CREBBP: variants seen among roughly 807,000 people sequenced by gnomAD.
The protein encoded by CREBBP is CREB binding lysine acetyltransferase.
A neutral mutation model predicts 265.0 loss-of-function variants in CREBBP; 19 were observed. The ratio of observed to expected loss-of-function variants is 0.07; its 90% CI spans 0.05 to 0.11. The LOEUF is 0.11. Ranked by LOEUF, CREBBP falls within the 10% of genes least tolerant of loss-of-function variation. The pLI, the probability that CREBBP is intolerant of heterozygous loss-of-function variation, is 1.00. For missense variants in CREBBP, 2,525 were observed against 3,219.0 expected (o/e 0.78, Z 5.22); for synonymous variants, 1,457 against 1,223.7 (o/e 1.19, Z -3.98).
chr16:3,787,652 G>T lies in CREBBP; in HGVS notation c.1330+4329C>A, dbSNP rs28535366. ...AGGTTTTTTTTTTTGTTTTGTTTTG[G>T]TTTTTTGTTTTGTTTTGTTTTGTTT... is the stretch of plus-strand genomic sequence containing the variant. On this transcript the variant is annotated intron_variant, in intron 5 of 30. Transcript: ENST00000262367. Among the ~76,000 whole-genome samples the T allele has an allele frequency of 1.3e-4, 20 of 149,390 alleles. No individual in the cohort carries two copies. In the East Asian group the frequency reaches 2.5e-3, roughly 19 times the overall value.
intron 1 of CREBBP, among the ~76,000 whole-genome samples, chr16:3,875,745 C>T (rs2055387259): frequency 2.0e-5 from 3 of 152,208 alleles, no homozygotes; most frequent in African/African-American, 4.8e-5. Context: ...TATCACCTCT[C>T]AAGTCCAGTT....
chr16:3,781,114 T>C, intron 7 of CREBBP, 90 bp downstream of exon 7: 1 of 1,292,778 alleles, frequency 7.7e-7, no homozygotes, highest in Non-Finnish European at 1.1e-6. Context: ...AACTATTTTC[T>C]CTGCCACACA....
intron 28 of CREBBP, among the ~76,000 whole-genome samples, chr16:3,734,896 C>T (rs2052012288): frequency 6.6e-6 from 1 of 152,192 alleles, no homozygotes; most frequent in South Asian, 2.1e-4. Context: ...ATGTCCCCAG[C>T]CGGCTCCCGG....
chr16:3,728,605 C>T lies in CREBBP; in HGVS notation c.6442G>A (p.Gly2148Ser), dbSNP rs764832613. 6.2e-7 allele frequency: 1 copy of T among 1,613,764 alleles called. No homozygotes were observed. Among genetic ancestry groups the T allele is most frequent in the Non-Finnish European group, 8.5e-7 (1 of 1,179,958 alleles). Residue 2148 changes from glycine to serine, a missense_variant, in exon 31 of 31, where the codon GGC becomes AGC. Transcript: ENST00000262367. The surrounding 1 kb of genome is among the most constrained non-coding windows in gnomAD (Gnocchi z 8.7). Reference protein sequence around the residue: ...SLQNLNAMQAGVPRPGVPPQQ... With the variant: ...SLQNLNAMQASVPRPGVPPQQ... ...GGAGGCACACCGGGCCGCGGCACGCCAGCCTGCATGGCATTCAGGTTCTGC... is the reference window on the plus strand; with the variant it reads ...GGAGGCACACCGGGCCGCGGCACGCTAGCCTGCATGGCATTCAGGTTCTGC...
chr16:3,774,553 GA>G lies in CREBBP; in HGVS notation c.2283+15del, dbSNP rs1459713022. On this transcript the variant is annotated intron_variant, in intron 12 of 30. Transcript: ENST00000262367. ...GAGGGAGGGCTATCTGCAGCACAGC[GA>G]AAGAGAACACTTACCCCTGGCACTG... The G allele has an allele frequency of 6.2e-7, 1 of 1,613,984 alleles. No homozygotes were observed. The highest frequency in any genetic ancestry group is 8.5e-7 in the Non-Finnish European group (1 of 1,180,016).
chr16:3,798,943 G>C (rs2053659366), intron 3 of CREBBP, among the ~76,000 whole-genome samples: 1 of 152,178 alleles, frequency 6.6e-6, no homozygotes, highest in Non-Finnish European at 1.5e-5. Context: ...TGCCCATCAA[G>C]TGATGAAGGG....
intron 2 of CREBBP, among the ~76,000 whole-genome samples, chr16:3,844,955 T>C (rs183393178): frequency 2.8e-4 from 43 of 152,216 alleles, no homozygotes; most frequent in African/African-American, 9.6e-4. Flanking sequence ...GAAAAGATAA[T>C]TTATATGTAT....
chr16:3,729,607 C>A lies in CREBBP; in HGVS notation c.5440G>T (p.Gly1814Trp), dbSNP rs747252584. ...HTKGCKRKTN[G>W]GCPVCKQLIA... ...AGCTGCTTGCACACCGGGCAGCCCC[C>A]GTTGGTCTTGCGTTTGCAGCCCTTG... Residue 1814 changes from glycine (G) to tryptophan (W), a missense_variant, in exon 31 of 31, where the codon GGG becomes TGG. Coordinates refer to ENST00000262367, the MANE Select transcript of CREBBP (RefSeq NM_004380.3). 6.2e-7 allele frequency: 1 copy of A among 1,614,168 alleles called. No homozygotes were observed. The highest frequency in any genetic ancestry group is 1.3e-5 in the African/African-American group (1 of 75,058).
In CREBBP at chr16:3,769,208, T is replaced by A. The variant is rs2141190537; in HGVS notation, c.3026A>T (p.Asp1009Val). The change falls in exon 15 of 31, where the codon GAT becomes GTT. Residue 1009 changes from aspartate (D) to valine (V), a missense_variant. Asp to Val is a radical substitution (Grantham distance 152). Around this residue, in one of 19 missense-constraint regions of CREBBP, gnomAD observed 548 missense variants for 533.0 expected, o/e 1.03. Coordinates refer to ENST00000262367, the MANE Select transcript of CREBBP (RefSeq NM_004380.3). ...GGGCTCCCCTTTGGATTCACCAGGA[T>A]CGGGCTCAGTGTCCTCTGCTTGGGT... ...TETQAEDTEP[D>V]PGESKGEPRS... The A allele has an allele frequency of 6.2e-7, 1 of 1,614,094 alleles. No individual in the cohort carries two copies. Among genetic ancestry groups the A allele is most frequent in the South Asian group, 1.1e-5 (1 of 91,062 alleles).
At chr16:3,855,312 A>G (rs1248693890) in intron 1 of CREBBP, among the ~76,000 whole-genome samples, 1 of 152,192 alleles carries the variant, frequency 6.6e-6, no homozygotes, top group Non-Finnish European at 1.5e-5. Context: ...TGCCCACGCT[A>G]GATGGAGTGC....
chr16:3,748,853 G>C (rs1285333392), intron 21 of CREBBP, among the ~76,000 whole-genome samples: 1 of 152,122 alleles, frequency 6.6e-6, no homozygotes, highest in Non-Finnish European at 1.5e-5. Context: ...CTGTAGAAAA[G>C]TGCTTAACAG....
At chr16:3,802,619 A>G (rs141247350) in intron 3 of CREBBP, among the ~76,000 whole-genome samples, 256 of 152,322 alleles carry the variant, frequency 1.7e-3, no homozygotes, top group Non-Finnish European at 2.7e-3. Flanking sequence ...TCACAAAAAA[A>G]TAAGTCATTT....
intron 3 of CREBBP, among the ~76,000 whole-genome samples, chr16:3,810,234 A>G (rs958422117): frequency 1.8e-4 from 28 of 152,210 alleles, no homozygotes; most frequent in African/African-American, 6.3e-4. Flanking sequence ...TCTGACGGTA[A>G]TACAAATCAA....
At chr16:3,749,543 T>A in intron 21 of CREBBP, 84 bp downstream of exon 21, 4 of 884,924 alleles carry the variant, frequency 4.5e-6, no homozygotes, top group Non-Finnish European at 5.5e-6. Context: ...TCCAATGTTT[T>A]TACCCACAAC....
At chr16:3,868,536 T>C (rs964361104) in intron 1 of CREBBP, among the ~76,000 whole-genome samples, 4 of 152,216 alleles carry the variant, frequency 2.6e-5, no homozygotes, top group Admixed American at 2.6e-4. Flanking sequence ...TTTTGTTTTA[T>C]AAGCCCTAAA....
chr16:3,734,382 G>A (rs1409366105), intron 28 of CREBBP, among the ~76,000 whole-genome samples: 2 of 152,124 alleles, frequency 1.3e-5, no homozygotes, highest in African/African-American at 2.4e-5. Context: ...TCAGCATCCC[G>A]CCTCCTAACA....
At chr16:3,763,010 G>A (rs1388661652) in intron 16 of CREBBP, among the ~76,000 whole-genome samples, 2 of 151,662 alleles carry the variant, frequency 1.3e-5, no homozygotes, top group African/African-American at 2.4e-5. Flanking sequence ...TCCCGACCTC[G>A]TGATCCGCCC....
rs186519168 is a variant in CREBBP at position 3,735,954 on chromosome 16, C to T, written c.4728+82G>A. The T allele has an allele frequency of 3.7e-6, 6 of 1,611,946 alleles. No individual in the cohort carries two copies. The African/African-American group carries it at 8.0e-5, about 21-fold the overall frequency. ...AGACACCACCACAGGAAGGACCTAA[C>T]AGTCGACACGCGCCTCCCAGCCTGC... On this transcript the variant is annotated intron_variant, in intron 28 of 30. Coordinates refer to ENST00000262367, the MANE Select transcript of CREBBP (RefSeq NM_004380.3).
intron 13 of CREBBP, among the ~76,000 whole-genome samples, chr16:3,772,977 A>G (rs1346758710): frequency 6.6e-6 from 1 of 151,322 alleles, no homozygotes; most frequent in Non-Finnish European, 1.5e-5. Flanking sequence ...AACCCCAGGT[A>G]CTTGGCAGGC....
Sources: allele counts gnomAD v4.1 joint callset (sites outside exome capture counted in the v4.1 genomes callset), GRCh38; gene constraint gnomAD v4.1.1; regional missense constraint gnomAD v4.1.1; non-coding constraint Gnocchi (gnomAD v3.1); transcripts MANE v1.5; gene names NCBI Gene and HGNC (gene_info 2026-07-23, HGNC 2026-07-21).